NAGPA: variants seen among roughly 807,000 people sequenced by gnomAD.
The protein encoded by NAGPA is alpha-N-acetylglucosaminyl phosphodiesterase.
In NAGPA, 56 loss-of-function variants were observed where a neutral mutation model predicts 48.5. The observed-to-expected ratio is 1.15, with a 90% CI of 0.93 to 1.44. The LOEUF (loss-of-function observed/expected upper bound fraction) is 1.44, where lower values mean the gene tolerates loss of function less well. NAGPA is among the 40% of genes most tolerant of loss of function. NAGPA has a pLI of 0.00. For missense variants in NAGPA, 888 were observed against 735.0 expected, an observed-to-expected ratio of 1.21 and a Z score of -2.41; for synonymous variants, 399 against 315.5, an observed-to-expected ratio of 1.26 and a Z score of -2.81.
rs145897634 is a variant in NAGPA, at chr16:5,031,807, C to T, written c.620G>A (p.Arg207His). The T allele has an allele frequency of 7.4e-6, 12 of 1,614,008 alleles. No homozygotes were observed. The East Asian group carries it at 8.9e-5, about 12-fold the overall frequency. Residue 207 changes from arginine (R) to histidine (H), a missense_variant, in exon 3 of 10, where the codon CGT becomes CAT. Physicochemically the swap from Arg to His is conservative, Grantham distance 29 (BLOSUM62 0). Transcript: ENST00000312251. ...CTCGTTGATGTAGATGCTTCCATTACGAATCAGCCACACGACCCCACTCAG... is the reference window on the plus strand; with the variant it reads ...CTCGTTGATGTAGATGCTTCCATTATGAATCAGCCACACGACCCCACTCAG... ...QLLSGVVWLIRNGSIYINESQ... is the reference protein window; with the variant it reads ...QLLSGVVWLIHNGSIYINESQ...
In NAGPA at chr16:5,025,432, G is replaced by T; in HGVS notation, c.*46C>A. ...ATTTCCCCTGCAGAAGCCAGACCGTGGGGAAACAAGCTTTCGCGACGTGCC... is the reference window on the plus strand; with the variant it reads ...ATTTCCCCTGCAGAAGCCAGACCGTTGGGAAACAAGCTTTCGCGACGTGCC... On this transcript the variant is annotated 3_prime_UTR_variant, in exon 10 of 10. Coordinates refer to ENST00000312251, the MANE Select transcript of NAGPA (RefSeq NM_016256.4). 6.2e-7 allele frequency: 1 copy of T among 1,603,180 alleles called. No individual in the cohort carries two copies.
In NAGPA at chr16:5,025,470, T is replaced by G. The variant is rs1224993199; in HGVS notation, c.*8A>C. On this transcript the variant is annotated 3_prime_UTR_variant, in exon 10 of 10. Transcript: ENST00000312251. ...TTCGCGACGTGCCACCCCGGGCAGC[T>G]TGAGGCTTCAGTCCTTGAAGGGGTT... The G allele has an allele frequency of 5.6e-6, 9 of 1,611,562 alleles. No homozygotes were observed. Among genetic ancestry groups the G allele is most frequent in the Non-Finnish European group, 7.6e-6 (9 of 1,179,754 alleles).
At position 5,033,605 on chromosome 16, in the gene NAGPA, A is replaced by G. The variant is rs2142571818; in HGVS notation, c.210T>C (p.Thr70=). The change falls in exon 2 of 10, where the codon ACT becomes ACC. Residue 70 remains threonine (T), a synonymous_variant. Transcript: ENST00000312251. This position sits in a 1 kb window ranked among gnomAD's most constrained non-coding sequence, Gnocchi z 4.2. ...EHESWPPPPA[T]PGAGGLAVRT... The stretch of plus-strand genomic sequence containing the variant: ...GCACGGCCAGACCGCCGGCGCCGGG[A>G]GTCGCGGGAGGCGGAGGCCAACTCT... The G allele has an allele frequency of 1.3e-6, 2 of 1,499,200 alleles. No homozygotes were observed. Among genetic ancestry groups the G allele is most frequent in the Non-Finnish European group, 1.8e-6 (2 of 1,136,650 alleles). The allele number at this position is 1,499,200 out of a possible 1,614,324, so 92.9% of individuals were successfully genotyped here.
chr16:5,031,530 G>A, intron 3 of NAGPA: 1 of 637,068 alleles, frequency 1.6e-6, no homozygotes, highest in Non-Finnish European at 2.7e-6. Flanking sequence ...TTGTTTCTGA[G>A]CACTTATCAA....
At position 5,025,123 on chromosome 16, in the gene NAGPA, G is replaced by C. The variant is rs549296815; in HGVS notation, c.*355C>G. ...GGTGCTGGCCAGGATGTGCTGTTCTGTCATGACGTGGTCACTGAGTCTGGT... is the reference window on the plus strand; with the variant it reads ...GGTGCTGGCCAGGATGTGCTGTTCTCTCATGACGTGGTCACTGAGTCTGGT... On this transcript the variant is annotated 3_prime_UTR_variant, in exon 10 of 10. Transcript: ENST00000312251. 2.7e-6 allele frequency: 1 copy of C among 365,986 alleles called. No individual in the cohort carries two copies. The highest frequency in any genetic ancestry group is 2.7e-5 in the South Asian group (1 of 36,992). 22.7% of individuals were successfully genotyped at this position (365,986 alleles called of 1,614,324 possible).
rs372819362 is a variant in NAGPA, at chr16:5,030,417, G to A, written c.759C>T (p.Leu253=). The part of the protein sequence containing the change: ...IGHDRKGQLV[L]FHADGQTEQR... ...GCTCCGTTTGGCCGTCTGCATGAAA[G>A]AGCACCAGCTGCCCTTTCCGGTCGT... The change falls in exon 4 of 10, where the codon CTC becomes CTT. Residue 253 remains leucine, a synonymous_variant. Coordinates refer to ENST00000312251, the MANE Select transcript of NAGPA (RefSeq NM_016256.4). The A allele has an allele frequency of 6.4e-7, 1 of 1,553,094 alleles. No individual in the cohort carries two copies. Among genetic ancestry groups the A allele is most frequent in the African/African-American group, 1.4e-5 (1 of 73,132 alleles).
rs542338734 is a variant in NAGPA at position 5,024,872 on chromosome 16, C to T, written c.*606G>A. On this transcript the variant is annotated 3_prime_UTR_variant, in exon 10 of 10. Coordinates refer to ENST00000312251, the MANE Select transcript of NAGPA (RefSeq NM_016256.4). ...AGAATCCACACACCACCTGGTGGCTCCTTTTATTATATCAATTTATTCAAG... is the reference window on the plus strand; with the variant it reads ...AGAATCCACACACCACCTGGTGGCTTCTTTTATTATATCAATTTATTCAAG... 1 of 156,968 alleles carries T rather than the reference C, an allele frequency of 6.4e-6. No homozygotes were observed. The highest frequency in any genetic ancestry group is 1.9e-4 in the East Asian group (1 of 5,324). 9.7% of individuals were successfully genotyped at this position (156,968 alleles called of 1,614,324 possible). A position where few individuals can be genotyped will look rare whatever the true frequency, so the allele number is the denominator to read the frequency against.
chr16:5,027,248 C>T (rs777309565), intron 8 of NAGPA, 30 bp downstream of exon 8: 4 of 1,614,052 alleles, frequency 2.5e-6, no homozygotes, highest in African/African-American at 1.3e-5. Flanking sequence ...GAGCGTCTGC[C>T]CATACCCCTC....
At chr16:5,027,780 AGAG>A in intron 7 of NAGPA, 63 bp downstream of exon 7, 1 of 1,542,978 alleles carries the variant, frequency 6.5e-7, no homozygotes, top group South Asian at 1.2e-5. Context: ...CAGAAGCAGC[AGAG>A]GAGCAGTGGG....
intron 3 of NAGPA, chr16:5,031,460 TTTCTC>T (rs1956094928): frequency 2.4e-6 from 1 of 416,028 alleles, no homozygotes; most frequent in Admixed American, 3.6e-5. Context: ...TCTCTTCACT[TTTCTC>T]TTCCTGTACC....
At chr16:5,029,472 G>A (rs1001138392) in intron 4 of NAGPA, 11 of 249,312 alleles carry the variant, frequency 4.4e-5, no homozygotes, top group Admixed American at 2.1e-4. Flanking sequence ...AGGAGGCGAC[G>A]GGGATTCTTC....
rs767607280 is a variant in NAGPA, at chr16:5,027,303, C to G, written c.1251G>C (p.Lys417Asn). 2 of 1,614,220 alleles carry G rather than the reference C, an allele frequency of 1.2e-6. No individual in the cohort carries two copies. The highest frequency in any genetic ancestry group is 2.2e-5 in the East Asian group (1 of 44,874). Residue 417 changes from lysine to asparagine, a missense_variant, in exon 8 of 10, where the codon AAG becomes AAC. By Grantham distance (94) the Lys-to-Asn change is moderately conservative (BLOSUM62 0). Coordinates refer to ENST00000312251, the MANE Select transcript of NAGPA (RefSeq NM_016256.4). Reference sequence around the variant, plus strand: ...CTCTGGAGACGCTGCAGTTGCCAGTCTTGGGGTCACAGGGACAATGGTGCT... The same window carrying G: ...CTCTGGAGACGCTGCAGTTGCCAGTGTTGGGGTCACAGGGACAATGGTGCT... ...KCEHHCPCDPKTGNCSVSRVK... is the reference protein window; with the variant it reads ...KCEHHCPCDPNTGNCSVSRVK...
At position 5,033,641 on chromosome 16, in the gene NAGPA, G is replaced by C. The variant is rs377257072; in HGVS notation, c.174C>G (p.Asn58Lys). ...PRDCTRVRAG[N>K]REHESWPPPP... ...GCGGAGGCCAACTCTCGTGCTCGCG[G>C]TTGCCGGCGCGCACCCGTGTGCAGT... Residue 58 changes from asparagine (N) to lysine (K), a missense_variant, in exon 2 of 10, where the codon AAC (asparagine) becomes AAG (lysine). Transcript: ENST00000312251. This position sits in a 1 kb window ranked among gnomAD's most constrained non-coding sequence, Gnocchi z 4.2. The C allele has an allele frequency of 6.5e-7, 1 of 1,538,968 alleles. No individual in the cohort carries two copies. Among genetic ancestry groups the C allele is most frequent in the Admixed American group, 2.0e-5 (1 of 49,488 alleles).
intron 7 of NAGPA, among the ~76,000 whole-genome samples, 192 bp from the exon 8 acceptor site, chr16:5,027,571 A>C (rs1445234653): frequency 3.9e-5 from 6 of 152,156 alleles, no homozygotes; most frequent in Non-Finnish European, 8.8e-5. Context: ...ATCTCTACAG[A>C]GGCACTGCAG....
chr16:5,026,010 T>C (rs1955994134), intron 9 of NAGPA, among the ~76,000 whole-genome samples: 2 of 150,768 alleles, frequency 1.3e-5, no homozygotes, highest in South Asian at 4.2e-4. Flanking sequence ...CTCACTGCAA[T>C]CTCCGCCTCC....
At chr16:5,032,090 T>G (rs568424887) in intron 2 of NAGPA, among the ~76,000 whole-genome samples, 24 of 152,158 alleles carry the variant, frequency 1.6e-4, no homozygotes, top group Admixed American at 8.5e-4. Flanking sequence ...GTTCTGACAA[T>G]ACAATCCCCA....
chr16:5,030,664 C>CGGG, intron 3 of NAGPA, 171 bp from the exon 4 acceptor site: 1 of 678,750 alleles, frequency 1.5e-6, no homozygotes, highest in Non-Finnish European at 2.7e-6. Context: ...CCAGGGCAGC[C>CGGG]GGGGGGTCTC....
Position 5,025,116 on chromosome 16 carries a change from C to T in NAGPA, c.*362G>A. 1 of 317,744 alleles carries T rather than the reference C, an allele frequency of 3.1e-6. No homozygotes were observed. Among genetic ancestry groups the T allele is most frequent in the Non-Finnish European group, 6.0e-6 (1 of 165,292 alleles). 19.7% of individuals were successfully genotyped at this position (317,744 alleles called of 1,614,324 possible). A position where few individuals can be genotyped will look rare whatever the true frequency, so the allele number is the denominator to read the frequency against. On this transcript the variant is annotated 3_prime_UTR_variant, in exon 10 of 10. Transcript: ENST00000312251. Reference sequence around the variant, plus strand: ...AGCCAGGGGTGCTGGCCAGGATGTGCTGTTCTGTCATGACGTGGTCACTGA... The same window carrying T: ...AGCCAGGGGTGCTGGCCAGGATGTGTTGTTCTGTCATGACGTGGTCACTGA...
At chr16:5,026,247 C>T (rs1348597921) in intron 9 of NAGPA, among the ~76,000 whole-genome samples, 1 of 150,690 alleles carries the variant, frequency 6.6e-6, no homozygotes, top group Non-Finnish European at 1.5e-5. Flanking sequence ...TAAGAGAAGC[C>T]ATTAAAAAGG....
Sources: gnomAD v4.1 joint callset for allele counts (sites outside exome capture counted in the v4.1 genomes callset) on GRCh38, gnomAD v4.1.1 for gene constraint, Gnocchi (gnomAD v3.1) non-coding constraint, MANE v1.5 for transcripts, NCBI Gene and HGNC (gene_info 2026-07-23, HGNC 2026-07-21) for gene names.